The following ZFHX3 variants were observed in gnomAD, a reference collection of about 807,000 sequenced individuals.
ZFHX3 encodes the protein zinc finger homeobox protein 3.
A neutral mutation model predicts 279.1 loss-of-function variants in ZFHX3; 42 were observed. The ratio of observed to expected loss-of-function variants is 0.15; its 90% confidence interval spans 0.12 to 0.19. ZFHX3 has a LOEUF of 0.19. ZFHX3 is among the 10% of genes least tolerant of loss of function. The probability of loss-of-function intolerance (pLI) is 1.00; values close to 1 mark genes in which losing one functional copy is unlikely to be tolerated. For synonymous variants in ZFHX3, 2,293 were observed against 1,957.8 expected, an observed-to-expected ratio of 1.17 and a Z score of -4.52; for missense variants, 4,981 against 4,754.0, an observed-to-expected ratio of 1.05 and a Z score of -1.40.
intron 1 of ZFHX3, among the ~76,000 whole-genome samples, chr16:73,750,236 A>G (rs1305683851): frequency 1.3e-5 from 2 of 152,234 alleles, no homozygotes; most frequent in Admixed American, 1.3e-4. Flanking sequence ...GTATCGTCCC[A>G]GGAAGAAAAA....
At chr16:73,171,084 A>G (rs1282812192) in intron 5 of ZFHX3, among the ~76,000 whole-genome samples, 3 of 152,006 alleles carry the variant, frequency 2.0e-5, no homozygotes, top group Non-Finnish European at 1.5e-5. Context: ...CCCTCTCTTG[A>G]CTTCAGCAAG....
chr16:73,550,207 T>G (rs752459632), intron 2 of ZFHX3, among the ~76,000 whole-genome samples: 2 of 152,130 alleles, frequency 1.3e-5, no homozygotes, highest in Non-Finnish European at 2.9e-5. Context: ...ATGACCCAGA[T>G]GACGGCTCAT....
At chr16:73,436,067 C>T (rs1378188783) in intron 3 of ZFHX3, among the ~76,000 whole-genome samples, 6 of 152,226 alleles carry the variant, frequency 3.9e-5, no homozygotes, top group South Asian at 2.1e-4. Flanking sequence ...CGGTGGCTCA[C>T]GCCTGTAATC....
chr16:72,986,726 T>C (rs566610023), intron 1 of ZFHX3, among the ~76,000 whole-genome samples: 72 of 152,154 alleles, frequency 4.7e-4, no homozygotes, highest in Non-Finnish European at 9.4e-4. Context: ...TCGCAGGTAG[T>C]ATAATCATGT....
intron 1 of ZFHX3, among the ~76,000 whole-genome samples, chr16:73,012,352 C>T (rs1347412001): frequency 6.6e-6 from 1 of 152,230 alleles, no homozygotes; most frequent in Non-Finnish European, 1.5e-5. Context: ...TGATACTGCA[C>T]ATGACAGTTT....
intron 5 of ZFHX3, among the ~76,000 whole-genome samples, chr16:73,251,782 C>T (rs1488617264): frequency 2.6e-5 from 3 of 116,008 alleles, no homozygotes; most frequent in Admixed American, 1.7e-4. Context: ...TGCACACAAA[C>T]GCACACACCA....
At chr16:73,697,178 C>A (rs1336808944) in intron 1 of ZFHX3, among the ~76,000 whole-genome samples, 1 of 150,516 alleles carries the variant, frequency 6.6e-6, no homozygotes, top group Non-Finnish European at 1.5e-5. Context: ...ACAAATGATT[C>A]CATGGCATTA....
At chr16:73,556,330 C>T (rs989391352) in intron 2 of ZFHX3, among the ~76,000 whole-genome samples, 2 of 151,990 alleles carry the variant, frequency 1.3e-5, no homozygotes, top group Admixed American at 6.6e-5. Flanking sequence ...AGGGGGGTGG[C>T]GGAAGAAACA....
chr16:73,306,469 G>A (rs1325364061), intron 4 of ZFHX3, among the ~76,000 whole-genome samples: 5 of 150,282 alleles, frequency 3.3e-5, no homozygotes, highest in Admixed American at 6.6e-5. Flanking sequence ...ACAGGTGCCC[G>A]CCACCACACT....
At chr16:73,474,775 G>A (rs560530578) in intron 2 of ZFHX3, among the ~76,000 whole-genome samples, 47 of 152,340 alleles carry the variant, frequency 3.1e-4, no homozygotes, top group African/African-American at 1.0e-3. Context: ...GCCTAAGAAA[G>A]TGCTTGGCAC....
intron 2 of ZFHX3, among the ~76,000 whole-genome samples, chr16:73,659,836 AGTGGGTCTGT>A (rs2142173977): frequency 6.6e-6 from 1 of 152,324 alleles, no homozygotes; most frequent in South Asian, 2.1e-4. Context: ...ATTAGCAGCA[AGTGGGTCTGT>A]TGAAGCTTAA....
intron 1 of ZFHX3, among the ~76,000 whole-genome samples, chr16:73,835,904 C>T (rs1049966943): frequency 3.9e-5 from 6 of 152,144 alleles, no homozygotes; most frequent in Non-Finnish European, 5.9e-5. Context: ...TCCCTGTTCT[C>T]TTACTACTTT....
intron 5 of ZFHX3, chr16:73,234,038 AGT>A (rs140420846): frequency 2.6e-5 from 4 of 152,086 alleles, no homozygotes; most frequent in South Asian, 2.1e-4. Context: ...CTGTGTCTGC[AGT>A]GTGTGTGTGT....
At chr16:72,850,022 T>C (rs2037576403) in intron 4 of ZFHX3, among the ~76,000 whole-genome samples, 1 of 152,084 alleles carries the variant, frequency 6.6e-6, no homozygotes, top group Admixed American at 6.5e-5. Context: ...GTCGGGGGAC[T>C]GTCAGAGCAA....
chr16:73,005,885 T>C (rs538048861), intron 1 of ZFHX3: 2 of 152,180 alleles, frequency 1.3e-5, no homozygotes, highest in Non-Finnish European at 2.9e-5. Context: ...TAACATGAAA[T>C]ACAACCTTTA....
At chr16:72,953,800 C>T (rs1170225037) in intron 2 of ZFHX3, among the ~76,000 whole-genome samples, 2 of 152,104 alleles carry the variant, frequency 1.3e-5, no homozygotes, top group Admixed American at 6.5e-5. Context: ...TCTCAAACTC[C>T]CAGGTTCAAG....
chr16:73,494,385 A>G (rs1057056829), intron 2 of ZFHX3, among the ~76,000 whole-genome samples: 2 of 152,330 alleles, frequency 1.3e-5, no homozygotes, highest in Admixed American at 6.5e-5. Context: ...CCATTTGTGC[A>G]TAAACACTCA....
chr16:73,631,800 G>T (rs558383273), intron 2 of ZFHX3, among the ~76,000 whole-genome samples: 2 of 151,976 alleles, frequency 1.3e-5, no homozygotes, highest in African/African-American at 4.8e-5. Flanking sequence ...CCAGCTACTC[G>T]GGTGGCTGAG....
At chr16:72,943,080 G>A (rs936407574) in intron 3 of ZFHX3, among the ~76,000 whole-genome samples, 5 of 152,314 alleles carry the variant, frequency 3.3e-5, no homozygotes, top group South Asian at 4.1e-4. Context: ...TCTGCAAGAC[G>A]TAAGAGAATG....
Sources: gnomAD v4.1 joint callset for allele counts (sites outside exome capture counted in the v4.1 genomes callset) on GRCh38, gnomAD v4.1.1 for gene constraint, MANE v1.5 for transcripts, NCBI Gene and HGNC (gene_info 2026-07-23, HGNC 2026-07-21) for gene names.